Variants in ATF1 observed in about 807,000 individuals in gnomAD.
ATF1 encodes the protein activating transcription factor 1, also known as cyclic AMP-dependent transcription factor ATF-1.
ATF1 carries 16 observed loss-of-function variants against 34.7 expected under a neutral mutation model. That is an observed-to-expected ratio of 0.46 (90% CI 0.31 to 0.70). ATF1 has a LOEUF of 0.70. Ranked by LOEUF, ATF1 falls within the 30% of genes least tolerant of loss-of-function variation. ATF1 has a pLI of 0.05. For synonymous variants in ATF1, 105 were observed against 113.1 expected (o/e 0.93, Z 0.46); for missense variants, 255 against 321.6 (o/e 0.79, Z 1.58).
chr12:50,766,197 A>G (rs1940630703), intron 1 of ATF1, among the ~76,000 whole-genome samples: 1 of 152,208 alleles, frequency 6.6e-6, no homozygotes, highest in Non-Finnish European at 1.5e-5. Flanking sequence ...AGAAGCGACT[A>G]TACTGCGGAA....
At chr12:50,765,817 C>T (rs776950316) in intron 1 of ATF1, among the ~76,000 whole-genome samples, 21 of 152,288 alleles carry the variant, frequency 1.4e-4, no homozygotes, top group Non-Finnish European at 2.8e-4. Context: ...AATCCCATGG[C>T]AATGTCAGGA....
intron 4 of ATF1, among the ~76,000 whole-genome samples, chr12:50,813,293 T>TTAC (rs1941775003): frequency 6.6e-6 from 1 of 152,158 alleles, no homozygotes; most frequent in Admixed American, 6.6e-5. Flanking sequence ...CTTAAGTAAA[T>TTAC]ATCTTAATAA....
chr12:50,781,519 C>T (rs556058351), intron 2 of ATF1, among the ~76,000 whole-genome samples: 105 of 152,042 alleles, frequency 6.9e-4, no homozygotes, highest in African/African-American at 2.3e-3. Context: ...GGTACGATCT[C>T]GGGTCACTAC....
intron 1 of ATF1, among the ~76,000 whole-genome samples, chr12:50,774,996 G>C (rs1474078082): frequency 6.6e-6 from 1 of 151,812 alleles, no homozygotes; most frequent in East Asian, 1.9e-4. Flanking sequence ...CGCCTGCCTC[G>C]GCCTCCCAAA....
chr12:50,804,201 T>C (rs575934024), intron 3 of ATF1, among the ~76,000 whole-genome samples: 1 of 152,234 alleles, frequency 6.6e-6, no homozygotes, highest in East Asian at 1.9e-4. Flanking sequence ...AGTAAAAGGA[T>C]GGTTAAAGAC....
At chr12:50,815,613 C>G (rs966266204) in intron 6 of ATF1, among the ~76,000 whole-genome samples, 1 of 151,642 alleles carries the variant, frequency 6.6e-6, no homozygotes, top group African/African-American at 2.4e-5. Context: ...GGTCTCAGAC[C>G]TGGGCTCAAG....
intron 2 of ATF1, among the ~76,000 whole-genome samples, chr12:50,781,733 G>T (rs1941066348): frequency 1.3e-5 from 2 of 151,938 alleles, no homozygotes; most frequent in Non-Finnish European, 2.9e-5. Context: ...TTACAGGCGT[G>T]AGCCACCGTG....
chr12:50,765,710 AAAC>A (rs1940616537), intron 1 of ATF1, among the ~76,000 whole-genome samples: 1 of 152,180 alleles, frequency 6.6e-6, no homozygotes, highest in Admixed American at 6.5e-5. Flanking sequence ...CTTGCTGATA[AAAC>A]AGGTTGCAGT....
chr12:50,820,420 T>A lies in ATF1; in HGVS notation c.*641T>A, dbSNP rs1004187622. The A allele has an allele frequency of 2.2e-5, 4 of 185,162 alleles. No homozygotes were observed. The highest frequency in any genetic ancestry group is 1.9e-4 in the Admixed American group (3 of 16,078). The allele number at this position is 185,162 out of a possible 1,614,324, so 11.5% of individuals were successfully genotyped here. A position where few individuals can be genotyped will look rare whatever the true frequency, so the allele number is the denominator to read the frequency against. On this transcript the variant is annotated 3_prime_UTR_variant, in exon 7 of 7. Transcript: ENST00000262053. ...AGGTACATGAATGGAGTATGGTGAT[T>A]TTATAACATTTTTTATCAGAATGGA...
rs144186586 is a variant in ATF1 at position 50,770,744 on chromosome 12, A to G, written c.-7+6437A>G. Among the ~76,000 whole-genome samples the G allele has an allele frequency of 1.4e-3, 210 of 152,320 alleles. 2 individuals are homozygous for G. The highest frequency in any genetic ancestry group is 4.9e-3 in the African/African-American group (202 of 41,586). ...ACACTTGTTATTAAATTCTGGTCTC[A>G]TTAATTGTTTTTAAGTTTGTTTCTG... On this transcript the variant is annotated intron_variant, in intron 1 of 6. Coordinates refer to ENST00000262053, the MANE Select transcript of ATF1 (RefSeq NM_005171.5).
chr12:50,780,874 C>T lies in ATF1; in HGVS notation c.93+636C>T, dbSNP rs183858719. On this transcript the variant is annotated intron_variant, in intron 2 of 6. Coordinates refer to ENST00000262053, the MANE Select transcript of ATF1 (RefSeq NM_005171.5). ...GCTCGGGAGGCTGAGGCAGGAGAAT[C>T]GCTTGAGCCTGGGAGGTGGAGGTTG... 1.7e-3 allele frequency among the ~76,000 whole-genome samples: 253 copies of T among 152,036 alleles called. 4 individuals are homozygous for T. The East Asian group carries it at 0.04, about 24-fold the overall frequency.
At chr12:50,809,398 ATTTT>A in intron 3 of ATF1, 54 bp from the exon 4 acceptor site, 1 of 1,071,854 alleles carries the variant, frequency 9.3e-7, no homozygotes, top group Non-Finnish European at 1.3e-6. Flanking sequence ...AAAAAAAATT[ATTTT>A]TGTGAAGTCA....
chr12:50,805,828 G>A (rs1186888213), intron 3 of ATF1, among the ~76,000 whole-genome samples: 1 of 151,984 alleles, frequency 6.6e-6, no homozygotes, highest in Non-Finnish European at 1.5e-5. Flanking sequence ...AGCAGACTTG[G>A]TGGCCAATTA....
At chr12:50,767,959 G>A (rs534416137) in intron 1 of ATF1, among the ~76,000 whole-genome samples, 16 of 150,616 alleles carry the variant, frequency 1.1e-4, no homozygotes, top group African/African-American at 3.2e-4. Flanking sequence ...TGCAACCTCC[G>A]CCTCCCGAGT....
intron 3 of ATF1, among the ~76,000 whole-genome samples, chr12:50,800,476 C>T (rs1941490311): frequency 6.6e-6 from 1 of 152,120 alleles, no homozygotes; most frequent in Admixed American, 6.6e-5. Context: ...ATAGGGGTCC[C>T]CAAACCCCAG....
chr12:50,772,501 GT>G (rs1940799977), intron 1 of ATF1, among the ~76,000 whole-genome samples: 1 of 151,692 alleles, frequency 6.6e-6, no homozygotes, highest in Non-Finnish European at 1.5e-5. Flanking sequence ...TAATTTTGTA[GT>G]TTTAGTAGAG....
chr12:50,768,152 C>T (rs1319215341), intron 1 of ATF1, among the ~76,000 whole-genome samples: 2 of 152,168 alleles, frequency 1.3e-5, no homozygotes, highest in African/African-American at 4.8e-5. Flanking sequence ...GGATTACAGG[C>T]ATGAGCCACC....
chr12:50,797,083 C>G (rs1025193466), intron 3 of ATF1, among the ~76,000 whole-genome samples: 8 of 152,008 alleles, frequency 5.3e-5, no homozygotes, highest in African/African-American at 1.9e-4. Flanking sequence ...AGTAGATTAC[C>G]TAGAATGGAA....
At chr12:50,806,250 G>A (rs892344928) in intron 3 of ATF1, 1 of 187,294 alleles carries the variant, frequency 5.3e-6, no homozygotes, top group Non-Finnish European at 1.2e-5. Context: ...TTTTCAGCTA[G>A]GAAAGTTCTG....
Sources: gnomAD v4.1 joint callset for allele counts (sites outside exome capture counted in the v4.1 genomes callset) on GRCh38, gnomAD v4.1.1 for gene constraint, MANE v1.5 for transcripts, NCBI Gene and HGNC (gene_info 2026-07-23, HGNC 2026-07-21) for gene names.